Variants in ST8SIA6 observed in about 807,000 individuals in gnomAD.
ST8SIA6 encodes ST8 alpha-N-acetyl-neuraminide alpha-2,8-sialyltransferase 6.
ST8SIA6 carries 39 observed loss-of-function variants against 33.6 expected under a neutral mutation model. The observed-to-expected ratio is 1.16, with a 90% CI of 0.90 to 1.52. ST8SIA6 has a LOEUF of 1.52. Ranked by LOEUF, ST8SIA6 falls within the 40% of genes most tolerant of loss-of-function variation. The pLI, the probability that ST8SIA6 is intolerant of heterozygous loss-of-function variation, is 0.00. For missense variants in ST8SIA6, 441 were observed against 443.8 expected, an observed-to-expected ratio of 0.99 and a Z score of 0.06; for synonymous variants, 172 against 167.2, an observed-to-expected ratio of 1.03 and a Z score of -0.22.
At chr10:17,434,917 G>A (rs1054258835) in intron 2 of ST8SIA6, among the ~76,000 whole-genome samples, 1 of 152,120 alleles carries the variant, frequency 6.6e-6, no homozygotes, top group African/African-American at 2.4e-5. Context: ...TTTAAGGCTG[G>A]GCACAGACTC....
chr10:17,377,242 A>G (rs1370077049), intron 3 of ST8SIA6, among the ~76,000 whole-genome samples: 3 of 151,912 alleles, frequency 2.0e-5, no homozygotes, highest in Non-Finnish European at 4.4e-5. Flanking sequence ...TTTAACTGTC[A>G]TTTTCCACTA....
At chr10:17,372,951 T>G (rs1052563677) in intron 3 of ST8SIA6, among the ~76,000 whole-genome samples, 1 of 152,134 alleles carries the variant, frequency 6.6e-6, no homozygotes, top group Non-Finnish European at 1.5e-5. Context: ...GAGACCAAAA[T>G]AGATGCCCTT....
chr10:17,411,077 C>A (rs1220055989), intron 2 of ST8SIA6, among the ~76,000 whole-genome samples: 3 of 152,118 alleles, frequency 2.0e-5, no homozygotes, highest in Non-Finnish European at 4.4e-5. Flanking sequence ...AATAAAATTA[C>A]TTGAATGTGG....
intron 6 of ST8SIA6, among the ~76,000 whole-genome samples, chr10:17,324,919 TATA>T (rs953491527): frequency 2.1e-5 from 3 of 146,160 alleles, no homozygotes; most frequent in Non-Finnish European, 3.0e-5. Context: ...TAATATGTAA[TATA>T]TAATATGCAT....
chr10:17,348,744 C>G (rs1192406341), intron 4 of ST8SIA6, among the ~76,000 whole-genome samples: 1 of 152,172 alleles, frequency 6.6e-6, no homozygotes, highest in South Asian at 2.1e-4. Flanking sequence ...CTGTTTTTGC[C>G]TGGCCTCTGG....
chr10:17,408,811 G>C (rs1350592961), intron 2 of ST8SIA6, among the ~76,000 whole-genome samples: 2 of 151,858 alleles, frequency 1.3e-5, no homozygotes, highest in South Asian at 2.1e-4. Flanking sequence ...GCTGGAGGGT[G>C]ATGGCACAAT....
At chr10:17,342,397 C>T (rs964763514) in intron 4 of ST8SIA6, among the ~76,000 whole-genome samples, 6 of 152,134 alleles carry the variant, frequency 3.9e-5, no homozygotes, top group East Asian at 1.9e-4. Flanking sequence ...TGTGATGGAG[C>T]TGTTAACACC....
At chr10:17,361,284 T>C (rs1849379369) in intron 3 of ST8SIA6, among the ~76,000 whole-genome samples, 1 of 151,858 alleles carries the variant, frequency 6.6e-6, no homozygotes, top group Non-Finnish European at 1.5e-5. Flanking sequence ...TAGAAAAAAG[T>C]CAGAGAAGAT....
At chr10:17,428,073 C>T (rs2131717576) in intron 2 of ST8SIA6, among the ~76,000 whole-genome samples, 1 of 152,274 alleles carries the variant, frequency 6.6e-6, no homozygotes, top group East Asian at 1.9e-4. Context: ...CATTTTAAGC[C>T]CTGTTAACTT....
At chr10:17,389,450 C>T (rs146090802) in intron 3 of ST8SIA6, among the ~76,000 whole-genome samples, 6 of 152,258 alleles carry the variant, frequency 3.9e-5, no homozygotes, top group African/African-American at 1.2e-4. Flanking sequence ...GGCATAACCT[C>T]GTGTCCCTGC....
At chr10:17,385,912 G>C (rs184636064) in intron 3 of ST8SIA6, among the ~76,000 whole-genome samples, 2 of 152,144 alleles carry the variant, frequency 1.3e-5, no homozygotes, top group African/African-American at 4.8e-5. Context: ...AGATTTTCTG[G>C]GTTCAAGTGC....
At chr10:17,448,782 ATTT>A (rs753562099) in intron 2 of ST8SIA6, among the ~76,000 whole-genome samples, 6 of 123,554 alleles carry the variant, frequency 4.9e-5, no homozygotes, top group African/African-American at 1.5e-4. Flanking sequence ...CGCCAGGCTA[ATTT>A]TTTTTTTTTT....
chr10:17,315,587 ATAT>A lies in ST8SIA6; in HGVS notation c.*5288_*5290del, dbSNP rs1847745346. Among the ~76,000 whole-genome samples the A allele has an allele frequency of 1.3e-5, 2 of 152,074 alleles. No homozygotes were observed. The highest frequency in any genetic ancestry group is 6.6e-5 in the Admixed American group (1 of 15,256). On this transcript the variant is annotated 3_prime_UTR_variant, in exon 8 of 8. Transcript: ENST00000377602. ...ACACAATCAACATGAATGAGTTTTA[ATAT>A]TATTATGTCGAGCAAAAGTGCAAGA... is the stretch of plus-strand genomic sequence containing the variant.
chr10:17,362,784 T>A (rs568784763), intron 3 of ST8SIA6, among the ~76,000 whole-genome samples: 1 of 152,224 alleles, frequency 6.6e-6, no homozygotes, highest in East Asian at 1.9e-4. Flanking sequence ...GGATCTCGGT[T>A]CACTGCAACC....
chr10:17,365,452 A>G (rs924118269), intron 3 of ST8SIA6, among the ~76,000 whole-genome samples: 1 of 152,196 alleles, frequency 6.6e-6, no homozygotes, highest in African/African-American at 2.4e-5. Context: ...AAAATATTAA[A>G]TGGAACCTTC....
At chr10:17,375,642 G>T (rs1276750993) in intron 3 of ST8SIA6, among the ~76,000 whole-genome samples, 2 of 152,238 alleles carry the variant, frequency 1.3e-5, no homozygotes, top group African/African-American at 4.8e-5. Flanking sequence ...CACTTAGTCT[G>T]TGCAAGGCAG....
intron 2 of ST8SIA6, among the ~76,000 whole-genome samples, chr10:17,396,098 T>C (rs1319454891): frequency 6.6e-6 from 1 of 152,182 alleles, no homozygotes; most frequent in East Asian, 1.9e-4. Flanking sequence ...CCAATACTTC[T>C]CTAATTGCTT....
intron 2 of ST8SIA6, among the ~76,000 whole-genome samples, chr10:17,407,286 G>C (rs1379313771): frequency 6.6e-6 from 1 of 152,116 alleles, no homozygotes. Context: ...AACTTGGGGC[G>C]GCCCCTGTCC....
chr10:17,333,719 T>TATA (rs1848408990), intron 4 of ST8SIA6, among the ~76,000 whole-genome samples: 19 of 38,674 alleles, frequency 4.9e-4, no homozygotes, highest in African/African-American at 8.4e-4. Context: ...ATATATATAT[T>TATA]TTTTTTTTTT....
Sources: allele counts gnomAD v4.1 joint callset (sites outside exome capture counted in the v4.1 genomes callset), GRCh38; gene constraint gnomAD v4.1.1; transcripts MANE v1.5; gene names NCBI Gene and HGNC (gene_info 2026-07-23, HGNC 2026-07-21).